VILL: variants seen among roughly 807,000 people sequenced by gnomAD.
VILL encodes villin like, also known as villin-like protein.
In VILL, 102 loss-of-function variants were observed where a neutral mutation model predicts 106.3. The observed-to-expected ratio is 0.96, with a 90% CI of 0.82 to 1.13. The LOEUF (loss-of-function observed/expected upper bound fraction) is 1.13. VILL is among the 50% of genes most tolerant of loss of function. The pLI is 0.00. For synonymous variants in VILL, 431 were observed against 440.3 expected (o/e 0.98, Z 0.27); for missense variants, 1,076 against 1,116.6 (o/e 0.96, Z 0.52).
rs1390598591 is a variant in VILL at position 37,999,403 on chromosome 3, G to C, written c.1146G>C (p.Gln382His). Reference sequence around the variant, plus strand: ...ACACCCAGCCTAAGTTAGCGGCCCAGCTCAGGATGGTGGACGACGGCTCTG... The same window carrying C: ...ACACCCAGCCTAAGTTAGCGGCCCACCTCAGGATGGTGGACGACGGCTCTG... ...KLHTQPKLAA[Q>H]LRMVDDGSGK... Residue 382 changes from glutamine to histidine, a missense_variant, in exon 11 of 20, where the codon CAG becomes CAC. Coordinates refer to ENST00000383759, the MANE Select transcript of VILL (RefSeq NM_015873.4). 1 of 1,496,488 alleles carries C rather than the reference G, an allele frequency of 6.7e-7. No individual in the cohort carries two copies. The highest frequency in any genetic ancestry group is 8.9e-7 in the Non-Finnish European group (1 of 1,126,630). 92.7% of individuals were successfully genotyped at this position (1,496,488 alleles called of 1,614,324 possible).
rs1414904252 is a variant in VILL, at chr3:37,994,558, A to G, written c.341+92A>G. 6 of 1,459,350 alleles carry G rather than the reference A, an allele frequency of 4.1e-6. No individual in the cohort carries two copies. In the East Asian group the frequency reaches 1.2e-4, roughly 29 times the overall value. 90.4% of individuals were successfully genotyped at this position (1,459,350 alleles called of 1,614,324 possible). On this transcript the variant is annotated intron_variant, in intron 4 of 19. Transcript: ENST00000383759. ...GGATGGCCATCGTCCACATCCCTGA[A>G]TGGGGCAAGCCGGGAGGGGTTGGGT...
chr3:37,991,079 A>T (rs1197333937), intron 1 of VILL: 2 of 152,184 alleles, frequency 1.3e-5, no homozygotes, highest in African/African-American at 4.8e-5. Flanking sequence ...GTGGCCCACA[A>T]ATTCAGTGTG....
In VILL at chr3:38,007,140, G is replaced by C; in HGVS notation, c.*85G>C. The C allele has an allele frequency of 2.6e-6, 3 of 1,159,330 alleles. No homozygotes were observed. Among genetic ancestry groups the C allele is most frequent in the Middle Eastern group, 2.7e-4 (1 of 3,754 alleles). The allele number at this position is 1,159,330 out of a possible 1,614,324, so 71.8% of individuals were successfully genotyped here. A position where few individuals can be genotyped will look rare whatever the true frequency, so the allele number is the denominator to read the frequency against. On this transcript the variant is annotated 3_prime_UTR_variant, in exon 20 of 20. Transcript: ENST00000383759. ...AGGCCCTGCTTCCACTCCCCTCAGA[G>C]GCTTTTGGTCATCCTCTGCGTGTCA...
At chr3:37,994,123 T>C (rs533756156) in intron 3 of VILL, 138 bp from the exon 4 acceptor site, 1 of 1,402,586 alleles carries the variant, frequency 7.1e-7, no homozygotes, top group South Asian at 1.2e-5. Flanking sequence ...TGAGGCTTCT[T>C]AGTCCTTCCC....
rs1467797592 is a variant in VILL at position 37,997,472 on chromosome 3, C to T, written c.562-11C>T. On this transcript the variant is annotated splice_polypyrimidine_tract_variant and intron_variant, in intron 6 of 19. Coordinates refer to ENST00000383759, the MANE Select transcript of VILL (RefSeq NM_015873.4). The surrounding 1 kb of genome is among the most constrained non-coding windows in gnomAD (Gnocchi z 4.7). ...CTGGTGACACCCTGACTCCCAGGTC[C>T]TCTCCCGCAGGGGCTGGCTTTGACC... 6.2e-7 allele frequency: 1 copy of T among 1,612,892 alleles called. No homozygotes were observed. Among genetic ancestry groups the T allele is most frequent in the South Asian group, 1.1e-5 (1 of 91,042 alleles).
At position 37,997,358 on chromosome 3, in the gene VILL, T is replaced by C; in HGVS notation, c.562-125T>C. ...CCTGCATTGTTGGTGTCCCCCTGGA[T>C]GCCAGGATGAGGGGACATCAGCCCT... On this transcript the variant is annotated intron_variant, in intron 6 of 19. Coordinates refer to ENST00000383759, the MANE Select transcript of VILL (RefSeq NM_015873.4). This position sits in a 1 kb window ranked among gnomAD's most constrained non-coding sequence, Gnocchi z 4.7. 1 of 1,195,944 alleles carries C rather than the reference T, an allele frequency of 8.4e-7. No individual in the cohort carries two copies. The highest frequency in any genetic ancestry group is 1.4e-5 in the South Asian group (1 of 73,012). 74.1% of individuals were successfully genotyped at this position (1,195,944 alleles called of 1,614,324 possible). A position where few individuals can be genotyped will look rare whatever the true frequency, so the allele number is the denominator to read the frequency against.
chr3:37,997,717 G>A lies in VILL; in HGVS notation c.764+32G>A. The A allele has an allele frequency of 1.9e-6, 3 of 1,557,530 alleles. 1 individual carries two copies. The highest frequency in any genetic ancestry group is 2.6e-6 in the Non-Finnish European group (3 of 1,140,076). ...ACCCCTGGGGTGGGCAGGGGTGGGT[G>A]GGACAGTCCAGGACTCTGTGTCCAT... On this transcript the variant is annotated intron_variant, in intron 7 of 19. Transcript: ENST00000383759. This position sits in a 1 kb window ranked among gnomAD's most constrained non-coding sequence, Gnocchi z 4.7.
chr3:38,001,502 G>C lies in VILL; in HGVS notation c.1229G>C (p.Arg410Pro), dbSNP rs35351971. The C allele has an allele frequency of 9.9e-6, 16 of 1,614,104 alleles. No homozygotes were observed. Among genetic ancestry groups the C allele is most frequent in the African/African-American group, 1.3e-5 (1 of 74,938 alleles). Residue 410 changes from arginine (R) to proline (P), a missense_variant, in exon 12 of 20, where the codon CGT (arginine) becomes CCT (proline). Physicochemically the swap from Arg to Pro is moderately radical, Grantham distance 103. Coordinates refer to ENST00000383759, the MANE Select transcript of VILL (RefSeq NM_015873.4). Reference protein sequence around the residue: ...DLHRQPVDPKRHGQLCAGNCY... With the variant: ...DLHRQPVDPKPHGQLCAGNCY... ...CACAGGCAGCCCGTGGACCCCAAGC[G>C]TCATGGACAGCTGTGTGCAGGCAAC...
chr3:37,997,435 T>G lies in VILL; in HGVS notation c.562-48T>G. 1.1e-5 allele frequency: 18 copies of G among 1,592,308 alleles called. No homozygotes were observed. Among genetic ancestry groups the G allele is most frequent in the Non-Finnish European group, 1.5e-5 (17 of 1,166,312 alleles). ...GCAGTGACAGGAGAAGTCTCTGCTG[T>G]GAGAGGGCACACTGGTGACACCCTG... On this transcript the variant is annotated intron_variant, in intron 6 of 19. Transcript: ENST00000383759. This position sits in a 1 kb window ranked among gnomAD's most constrained non-coding sequence, Gnocchi z 4.7.
In VILL at chr3:38,002,389, C is replaced by T. The variant is rs756701473; in HGVS notation, c.1480-7C>T. On this transcript the variant is annotated splice_polypyrimidine_tract_variant and splice_region_variant and intron_variant, in intron 13 of 19. Coordinates refer to ENST00000383759, the MANE Select transcript of VILL (RefSeq NM_015873.4). ...CTTGCCCAGCCTGAGGCCTTGCTCT[C>T]CTATAGGAGAGAGCTGGGCACCATG... 7.5e-6 allele frequency: 12 copies of T among 1,607,800 alleles called. No individual in the cohort carries two copies. Among genetic ancestry groups the T allele is most frequent in the African/African-American group, 5.3e-5 (4 of 74,790 alleles).
chr3:37,996,980 G>A (rs759870732), intron 5 of VILL, 97 bp from the exon 6 acceptor site: 48 of 1,032,186 alleles, frequency 4.7e-5, no homozygotes, highest in Non-Finnish European at 6.7e-5. Context: ...CACCCAGTTT[G>A]CATACAGCTT....
At chr3:38,003,117 A>G in intron 14 of VILL, 51 bp from the exon 15 acceptor site, 3 of 1,597,752 alleles carry the variant, frequency 1.9e-6, no homozygotes, top group Non-Finnish European at 2.6e-6. Context: ...GTGGGGCCGG[A>G]GGTGAAGGCC....
rs941202649 is a variant in VILL at position 37,998,712 on chromosome 3, G to A, written c.943-200G>A. Among the ~76,000 whole-genome samples, 6 of 152,126 alleles carry A rather than the reference G, an allele frequency of 3.9e-5. No individual in the cohort carries two copies. Among genetic ancestry groups the A allele is most frequent in the Non-Finnish European group, 5.9e-5 (4 of 68,022 alleles). On this transcript the variant is annotated intron_variant, in intron 9 of 19. Transcript: ENST00000383759. The surrounding 1 kb of genome is among the most constrained non-coding windows in gnomAD (Gnocchi z 4.1). ...GTTGACATGGCCTGTCCTGCACGAGGCCTAGACTAAGGGGGCCCTGCCTGC... is the reference window on the plus strand; with the variant it reads ...GTTGACATGGCCTGTCCTGCACGAGACCTAGACTAAGGGGGCCCTGCCTGC...
At chr3:38,004,673 TATG>T (rs1699881954) in intron 16 of VILL, among the ~76,000 whole-genome samples, 1 of 152,240 alleles carries the variant, frequency 6.6e-6, no homozygotes, top group Admixed American at 6.5e-5. Context: ...CTGTGTGCCT[TATG>T]ATACTATGTG....
chr3:38,003,191 G>T lies in VILL; in HGVS notation c.1683G>T (p.Glu561Asp), dbSNP rs1449479610. 1.2e-6 allele frequency: 2 copies of T among 1,614,042 alleles called. No homozygotes were observed. The highest frequency in any genetic ancestry group is 1.7e-6 in the Non-Finnish European group (2 of 1,179,978). The change falls in exon 15 of 20, where the codon GAG becomes GAT. Residue 561 changes from glutamate (E) to aspartate (D), a missense_variant. By Grantham distance (45) the Glu-to-Asp change is conservative (BLOSUM62 2). Transcript: ENST00000383759. ...FGKGCNGDQR[E>D]MARVVVTVIS... ...AGGGCTGTAATGGTGATCAGCGTGAGATGGCACGGGTGGTGGTCACTGTCA... is the reference window on the plus strand; with the variant it reads ...AGGGCTGTAATGGTGATCAGCGTGATATGGCACGGGTGGTGGTCACTGTCA...
intron 11 of VILL, chr3:38,001,153 G>A (rs1265092074): frequency 9.2e-6 from 5 of 541,790 alleles, no homozygotes; most frequent in Non-Finnish European, 3.4e-6. Flanking sequence ...GGAGGGGACT[G>A]AACTGCCCCT....
In VILL at chr3:38,005,911, G is replaced by A; in HGVS notation, c.2070G>A (p.Lys690=). ...CGGCCACACCCATCGTGCTGGTCAAGCAGGGCCATGAGCCTCCCACCTTCA... is the reference window on the plus strand; with the variant it reads ...CGGCCACACCCATCGTGCTGGTCAAACAGGGCCATGAGCCTCCCACCTTCA... The part of the protein sequence containing the change: ...RSPATPIVLV[K]QGHEPPTFIG... Residue 690 remains lysine (K), a synonymous_variant, in exon 17 of 20, where the codon AAG becomes AAA. Transcript: ENST00000383759. The A allele has an allele frequency of 4.3e-6, 7 of 1,614,168 alleles. No homozygotes were observed. The South Asian group carries it at 7.7e-5, about 18-fold the overall frequency.
chr3:37,994,112 T>C, intron 3 of VILL, 140 bp downstream of exon 3: 2 of 1,410,156 alleles, frequency 1.4e-6, no homozygotes, highest in Non-Finnish European at 2.0e-6. Flanking sequence ...GCGGTTACCG[T>C]TGAGGCTTCT....
chr3:38,004,755 C>G (rs1166457722), intron 16 of VILL, among the ~76,000 whole-genome samples: 8 of 152,174 alleles, frequency 5.3e-5, no homozygotes, highest in Non-Finnish European at 2.9e-5. Context: ...ATTGGAATGC[C>G]CAATCGCATC....
Sources: allele counts gnomAD v4.1 joint callset (sites outside exome capture counted in the v4.1 genomes callset), GRCh38; gene constraint gnomAD v4.1.1; non-coding constraint Gnocchi (gnomAD v3.1); transcripts MANE v1.5; gene names NCBI Gene and HGNC (gene_info 2026-07-23, HGNC 2026-07-21).